Variants in SAMMSON observed in about 807,000 individuals in gnomAD.
SAMMSON encodes the protein long intergenic non-protein coding RNA 1212.
intron 4 of SAMMSON, among the ~76,000 whole-genome samples, chr3:70,082,945 A>G (rs1200261419): frequency 1.3e-5 from 2 of 152,214 alleles, no homozygotes; most frequent in South Asian, 2.1e-4. Flanking sequence ...TGGCTGGTAA[A>G]TGATGGAGCT....
At chr3:70,366,493 T>C (rs1264953056) in intron 9 of SAMMSON, among the ~76,000 whole-genome samples, 1 of 13,164 alleles carries the variant, frequency 7.6e-5, no homozygotes, top group Admixed American at 8.1e-4. Flanking sequence ...TGTTTTTATG[T>C]TTTTTTTTTT....
At chr3:70,138,480 G>A (rs2067515066) in intron 4 of SAMMSON, among the ~76,000 whole-genome samples, 2 of 152,088 alleles carry the variant, frequency 1.3e-5, no homozygotes, top group Admixed American at 1.3e-4. Flanking sequence ...CCATTCATGA[G>A]GGCTTTGCTC....
intron 2 of SAMMSON, among the ~76,000 whole-genome samples, chr3:70,430,183 T>C (rs1701402705): frequency 6.6e-6 from 1 of 152,286 alleles, no homozygotes; most frequent in South Asian, 2.1e-4. Flanking sequence ...TGAAGCGGTG[T>C]TGAATTTGAT....
At chr3:70,406,787 C>A (rs1243968178) in intron 2 of SAMMSON, among the ~76,000 whole-genome samples, 1 of 151,968 alleles carries the variant, frequency 6.6e-6, no homozygotes, top group Non-Finnish European at 1.5e-5. Flanking sequence ...CTAAAAAAGG[C>A]AGTAAAAGAG....
intron 4 of SAMMSON, among the ~76,000 whole-genome samples, chr3:70,159,853 G>A (rs1268211626): frequency 1.3e-5 from 2 of 151,960 alleles, no homozygotes; most frequent in Non-Finnish European, 2.9e-5. Context: ...ACCGTGCCTG[G>A]CCCTGACTTT....
chr3:70,202,534 A>G (rs1701249839), intron 4 of SAMMSON, among the ~76,000 whole-genome samples: 1 of 152,188 alleles, frequency 6.6e-6, no homozygotes, highest in South Asian at 2.1e-4. Flanking sequence ...TCTATAGAAC[A>G]CCTGGCATCC....
chr3:70,067,851 T>C lies in SAMMSON; in HGVS notation n.418-3625T>C, dbSNP rs138775854. Among the ~76,000 whole-genome samples, 498 of 152,210 alleles carry C rather than the reference T, an allele frequency of 3.3e-3. 2 individuals are homozygous for C. Among genetic ancestry groups the C allele is most frequent in the Non-Finnish European group, 5.4e-3 (364 of 67,972 alleles). ...GGGTGACATAAAGGAGCATCTACCATGTACATGGGAGACCTGATTTTTTGC... is the reference window on the plus strand; with the variant it reads ...GGGTGACATAAAGGAGCATCTACCACGTACATGGGAGACCTGATTTTTTGC... On this transcript the variant is annotated intron_variant and non_coding_transcript_variant, in intron 3 of 9. Coordinates refer to ENST00000642114, the Ensembl canonical transcript of SAMMSON.
intron 4 of SAMMSON, among the ~76,000 whole-genome samples, chr3:70,134,373 T>A (rs1008865854): frequency 1.4e-4 from 21 of 151,678 alleles, no homozygotes; most frequent in Middle Eastern, 3.4e-3. Context: ...TTTTTTTTTT[T>A]AATAAAAAGT....
chr3:70,042,755 C>G (rs2067110718), intron 3 of SAMMSON, among the ~76,000 whole-genome samples: 1 of 152,040 alleles, frequency 6.6e-6, no homozygotes. Context: ...ATAAATTATG[C>G]ATGAAATTGT....
At chr3:70,272,722 C>A (rs1016855455) in intron 6 of SAMMSON, among the ~76,000 whole-genome samples, 5 of 152,194 alleles carry the variant, frequency 3.3e-5, no homozygotes, top group Non-Finnish European at 7.3e-5. Context: ...CATTGCATTG[C>A]TGGAATGTAC....
At chr3:70,063,789 C>T (rs148438879) in intron 3 of SAMMSON, among the ~76,000 whole-genome samples, 2 of 152,264 alleles carry the variant, frequency 1.3e-5, no homozygotes, top group African/African-American at 4.8e-5. Context: ...ACCTTTTACA[C>T]TCCCTTGCTG....
At chr3:70,394,788 A>G (rs76756209), downstream of SAMMSON, among the ~76,000 whole-genome samples, 950 of 152,306 alleles carry the variant, frequency 6.2e-3, 8 homozygotes, top group African/African-American at 0.021. Context: ...CCCACCCATC[A>G]TGGGACACAA....
At chr3:70,289,494 T>A (rs2106690847) in intron 6 of SAMMSON, among the ~76,000 whole-genome samples, 1 of 149,560 alleles carries the variant, frequency 6.7e-6, no homozygotes, top group East Asian at 2.0e-4. Context: ...CCCTTAACAT[T>A]TTTTCCTTCA....
intron 9 of SAMMSON, among the ~76,000 whole-genome samples, chr3:70,378,520 A>G (rs1465856927): frequency 6.6e-6 from 1 of 152,136 alleles, no homozygotes; most frequent in Non-Finnish European, 1.5e-5. Context: ...GAGGTAATAA[A>G]TACCAGAAAG....
chr3:70,395,754 C>T lies in SAMMSON; in HGVS notation n.233+37430C>T, dbSNP rs192621946. Among the ~76,000 whole-genome samples the T allele has an allele frequency of 2.0e-5, 3 of 152,146 alleles. No homozygotes were observed. In the East Asian group the frequency reaches 5.8e-4, roughly 29 times the overall value. On this transcript the variant is annotated intron_variant and non_coding_transcript_variant, in intron 2 of 3. Coordinates refer to the SAMMSON transcript ENST00000641053. ...ATCCAACCAGGTAAGATTAAATAAG[C>T]TCATGGTGAAGTATAAAGTACCCTG...
At chr3:70,190,161 A>G (rs754682295) in intron 4 of SAMMSON, among the ~76,000 whole-genome samples, 1 of 152,144 alleles carries the variant, frequency 6.6e-6, no homozygotes, top group Admixed American at 6.5e-5. Flanking sequence ...GACAGTAGGC[A>G]ATATTTGAGT....
intron 2 of SAMMSON, among the ~76,000 whole-genome samples, chr3:70,430,069 C>G (rs1193298664): frequency 6.6e-6 from 1 of 152,108 alleles, no homozygotes; most frequent in Non-Finnish European, 1.5e-5. Flanking sequence ...ATGCTTCCAG[C>G]TTTTGCCCAT....
At position 70,136,364 on chromosome 3, in the gene SAMMSON, T is replaced by C. The variant is rs529179275; in HGVS notation, n.507+64799T>C. On this transcript the variant is annotated intron_variant and non_coding_transcript_variant, in intron 4 of 9. Coordinates refer to ENST00000642114, the Ensembl canonical transcript of SAMMSON. ...TCATCCTGGGGGAAGCCAGCTGCTA[T>C]GACATGAGTACATTGAGTGGATCTA... Among the ~76,000 whole-genome samples the C allele has an allele frequency of 2.0e-5, 3 of 152,362 alleles. No individual in the cohort carries two copies. The South Asian group carries it at 6.2e-4, about 32-fold the overall frequency.
intron 2 of SAMMSON, among the ~76,000 whole-genome samples, chr3:70,407,192 G>A (rs751761002): frequency 1.8e-4 from 28 of 152,232 alleles, no homozygotes; most frequent in Non-Finnish European, 2.8e-4. Context: ...AATTATGGGA[G>A]TACAATTCAA....
Sources: allele counts gnomAD v4.1 joint callset (sites outside exome capture counted in the v4.1 genomes callset), GRCh38; gene constraint gnomAD v4.1.1; transcripts MANE v1.5; gene names NCBI Gene and HGNC (gene_info 2026-07-23, HGNC 2026-07-21).